Variants in WDHD1 observed in about 807,000 individuals in gnomAD.
WDHD1 encodes the protein WD repeat and HMG-box DNA binding protein 1, also known as WD repeat and HMG-box DNA-binding protein 1.
Under a neutral mutation model 135.4 loss-of-function variants are expected in WDHD1, and 111 were observed. That is an observed-to-expected ratio of 0.82 (90% CI 0.70 to 0.96). WDHD1 has a LOEUF of 0.96. WDHD1 is among the 40% of genes least tolerant of loss of function. WDHD1 has a pLI of 0.00. For missense variants in WDHD1, 1,351 were observed against 1,336.3 expected (o/e 1.01, Z -0.17); for synonymous variants, 434 against 439.0 (o/e 0.99, Z 0.14).
chr14:55,021,822 G>A (rs1432688741), intron 2 of WDHD1, among the ~76,000 whole-genome samples: 4 of 152,156 alleles, frequency 2.6e-5, no homozygotes, highest in Non-Finnish European at 4.4e-5. Flanking sequence ...CATGCACAAC[G>A]TCTGGACACA....
intron 21 of WDHD1, among the ~76,000 whole-genome samples, chr14:54,960,972 T>G (rs12434535): frequency 0.025 from 3,779 of 152,286 alleles, 176 homozygotes; most frequent in East Asian, 0.23. Flanking sequence ...GCTAATATTT[T>G]TATTATTTAC....
rs551527903 is a variant in WDHD1, at chr14:54,971,511, A to G, written c.2064-4117T>C. Among the ~76,000 whole-genome samples the G allele has an allele frequency of 2.0e-5, 3 of 152,256 alleles. No individual in the cohort carries two copies. The East Asian group carries it at 5.8e-4, about 29-fold the overall frequency. ...TATGCACACACACAAAATACCTAGG[A>G]TATATCTAACCAAGGAGGTGAAAGA... On this transcript the variant is annotated intron_variant, in intron 16 of 25. Coordinates refer to ENST00000360586, the MANE Select transcript of WDHD1 (RefSeq NM_007086.4).
intron 16 of WDHD1, among the ~76,000 whole-genome samples, chr14:54,968,977 G>A (rs1454957671): frequency 6.6e-6 from 1 of 152,192 alleles, no homozygotes; most frequent in Non-Finnish European, 1.5e-5. Context: ...GGGAGGTTGA[G>A]GCTGCAGTGA....
intron 16 of WDHD1, among the ~76,000 whole-genome samples, chr14:54,977,436 C>G (rs887691424): frequency 2.0e-5 from 3 of 152,142 alleles, no homozygotes; most frequent in Non-Finnish European, 4.4e-5. Flanking sequence ...CTTATGTTAT[C>G]ATGCCTGTAA....
intron 11 of WDHD1, among the ~76,000 whole-genome samples, chr14:54,995,096 C>T (rs1177420995): frequency 2.6e-5 from 4 of 152,270 alleles, no homozygotes; most frequent in South Asian, 4.1e-4. Flanking sequence ...AGTTTCCTGC[C>T]TCAGTCTCCT....
chr14:54,995,094 G>A (rs1442526777), intron 11 of WDHD1, among the ~76,000 whole-genome samples: 1 of 152,236 alleles, frequency 6.6e-6, no homozygotes, highest in African/African-American at 2.4e-5. Flanking sequence ...TGAGTTTCCT[G>A]CCTCAGTCTC....
chr14:54,971,582 C>T (rs1355059573), intron 16 of WDHD1, among the ~76,000 whole-genome samples: 1 of 151,792 alleles, frequency 6.6e-6, no homozygotes, highest in Non-Finnish European at 1.5e-5. Flanking sequence ...CCATAGATGA[C>T]ACAAACAAAT....
rs1485295760 is a variant in WDHD1 at position 54,940,579 on chromosome 14, A to G, written c.*911T>C. ...TCTCTGCTTAGAAAACCAAAAATGTATGACATGATTAAACCTTGTTTGTTC... is the reference window on the plus strand; with the variant it reads ...TCTCTGCTTAGAAAACCAAAAATGTGTGACATGATTAAACCTTGTTTGTTC... On this transcript the variant is annotated 3_prime_UTR_variant, in exon 26 of 26. Coordinates refer to ENST00000360586, the MANE Select transcript of WDHD1 (RefSeq NM_007086.4). The G allele has an allele frequency of 6.6e-6, 1 of 152,150 alleles. No homozygotes were observed. The highest frequency in any genetic ancestry group is 2.4e-5 in the African/African-American group (1 of 41,416). 9.4% of individuals were successfully genotyped at this position (152,150 alleles called of 1,614,324 possible).
intron 24 of WDHD1, among the ~76,000 whole-genome samples, chr14:54,949,418 T>G (rs1307843099): frequency 1.3e-5 from 2 of 152,044 alleles, no homozygotes; most frequent in African/African-American, 4.8e-5. Flanking sequence ...AAAGATCAAA[T>G]GAATGAAATG....
At chr14:55,022,029 C>G (rs1187882) in intron 2 of WDHD1, among the ~76,000 whole-genome samples, 94,387 of 151,980 alleles carry the variant, frequency 0.62, 29,557 homozygotes, top group Middle Eastern at 0.8. Context: ...ATGAACTCCT[C>G]ATCTAGAGGT....
intron 24 of WDHD1, among the ~76,000 whole-genome samples, chr14:54,948,269 A>G (rs1483536850): frequency 6.6e-6 from 1 of 152,128 alleles, no homozygotes; most frequent in African/African-American, 2.4e-5. Flanking sequence ...CTCACCCGGG[A>G]AGCGCAAGGG....
chr14:54,964,203 T>G (rs1191453253), intron 18 of WDHD1, among the ~76,000 whole-genome samples: 1 of 152,214 alleles, frequency 6.6e-6, no homozygotes, highest in African/African-American at 2.4e-5. Context: ...AGAACTATTT[T>G]CTTACTTAGA....
intron 7 of WDHD1, among the ~76,000 whole-genome samples, chr14:55,004,475 T>C (rs2042031116): frequency 6.6e-6 from 1 of 152,184 alleles, no homozygotes; most frequent in Non-Finnish European, 1.5e-5. Context: ...TTTTTTGAGA[T>C]AGAGTCTCGC....
At chr14:54,981,730 A>T in intron 15 of WDHD1, 34 bp from the exon 16 acceptor site, 1 of 1,470,584 alleles carries the variant, frequency 6.8e-7, no homozygotes, top group Non-Finnish European at 9.5e-7. Context: ...TTGGAGACAT[A>T]GCTACATGTT....
chr14:54,970,881 C>T (rs2140177310), intron 16 of WDHD1, among the ~76,000 whole-genome samples: 1 of 152,198 alleles, frequency 6.6e-6, no homozygotes, highest in Non-Finnish European at 1.5e-5. Flanking sequence ...GGCACTGGTG[C>T]ACAAACAGAA....
chr14:54,976,685 C>G (rs915999068), intron 16 of WDHD1, among the ~76,000 whole-genome samples: 2 of 151,978 alleles, frequency 1.3e-5, no homozygotes, highest in Admixed American at 1.3e-4. Context: ...GTAAGCCATA[C>G]TGAGAAGTGT....
chr14:54,962,527 G>A lies in WDHD1; in HGVS notation c.2672C>T (p.Thr891Ile). 1.2e-6 allele frequency: 2 copies of A among 1,610,014 alleles called. No individual in the cohort carries two copies. Among genetic ancestry groups the A allele is most frequent in the South Asian group, 1.1e-5 (1 of 90,390 alleles). ...KPGQNSFSKS[T>I]NSSDVSAKSG... ...CTTAGCTGAAACATCAGAGGAATTT[G>A]TACTTTTGGAAAACGAGTTCTGTCC... Residue 891 changes from threonine (T) to isoleucine (I), a missense_variant, in exon 21 of 26, where the codon ACA becomes ATA. Thr to Ile is a moderately conservative substitution (Grantham distance 89, BLOSUM62 -1). Around this residue, in one of 2 missense-constraint regions of WDHD1, gnomAD observed 1,330 missense variants for 1,296.1 expected, o/e 1.03. Coordinates refer to ENST00000360586, the MANE Select transcript of WDHD1 (RefSeq NM_007086.4).
intron 21 of WDHD1, 125 bp downstream of exon 21, chr14:54,962,373 C>A (rs1440506827): frequency 2.6e-6 from 2 of 757,848 alleles, no homozygotes; most frequent in South Asian, 1.5e-5. Flanking sequence ...ATTAAAAAAA[C>A]AAAAACATAA....
At position 55,007,324 on chromosome 14, in the gene WDHD1, C is replaced by T; in HGVS notation, c.556G>A (p.Ala186Thr). ...LLQKCNDVIN[A>T]KSICRLAWQP... Reference sequence around the variant, plus strand: ...CAAGCAAGTCTGCAGATTGATTTTGCATTTATCACATCGTTGCATTTTTGT... The same window carrying T: ...CAAGCAAGTCTGCAGATTGATTTTGTATTTATCACATCGTTGCATTTTTGT... The change falls in exon 7 of 26, where the codon GCA (alanine) becomes ACA (threonine). Residue 186 changes from alanine (A) to threonine (T), a missense_variant. Transcript: ENST00000360586. 6.2e-7 allele frequency: 1 copy of T among 1,606,344 alleles called. No individual in the cohort carries two copies. The highest frequency in any genetic ancestry group is 8.5e-7 in the Non-Finnish European group (1 of 1,177,784).
Sources: allele counts gnomAD v4.1 joint callset (sites outside exome capture counted in the v4.1 genomes callset), GRCh38; gene constraint gnomAD v4.1.1; regional missense constraint gnomAD v4.1.1; transcripts MANE v1.5; gene names NCBI Gene and HGNC (gene_info 2026-07-23, HGNC 2026-07-21).